ERBB4: variants seen among roughly 807,000 people sequenced by gnomAD.
ERBB4 encodes the protein erb-b2 receptor tyrosine kinase 4.
A neutral mutation model predicts 158.0 loss-of-function variants in ERBB4; 42 were observed. The ratio of observed to expected loss-of-function variants is 0.27; its 90% CI spans 0.21 to 0.34. The LOEUF is 0.34. ERBB4 is among the 10% of genes least tolerant of loss of function. The pLI, the probability that ERBB4 is intolerant of heterozygous loss-of-function variation, is 1.00. For missense variants in ERBB4, 1,333 were observed against 1,624.1 expected, an observed-to-expected ratio of 0.82 and a Z score of 3.08; for synonymous variants, 583 against 558.7, an observed-to-expected ratio of 1.04 and a Z score of -0.61.
chr2:211,684,016 G>T (rs561688377), intron 12 of ERBB4, among the ~76,000 whole-genome samples: 3 of 151,634 alleles, frequency 2.0e-5, no homozygotes, highest in Admixed American at 6.6e-5. Flanking sequence ...TCGTATTTTT[G>T]ACCACTGTAA....
intron 1 of ERBB4, among the ~76,000 whole-genome samples, chr2:212,331,003 C>CT (rs1296908245): frequency 7.8e-6 from 1 of 127,632 alleles, no homozygotes; most frequent in Non-Finnish European, 1.7e-5. Flanking sequence ...AAAGTATGTG[C>CT]TTTTTCCTGC....
intron 3 of ERBB4, among the ~76,000 whole-genome samples, chr2:211,881,768 G>A (rs1457080584): frequency 6.6e-6 from 1 of 152,098 alleles, no homozygotes; most frequent in Admixed American, 6.5e-5. Flanking sequence ...CTCTGTAGCA[G>A]AGAGCTATTC....
intron 25 of ERBB4, among the ~76,000 whole-genome samples, chr2:211,397,085 C>A (rs895161134): frequency 6.6e-6 from 1 of 152,112 alleles, no homozygotes; most frequent in Non-Finnish European, 1.5e-5. Flanking sequence ...GTATTTACAA[C>A]TGATCTAGGC....
Position 211,739,917 on chromosome 2 carries a change from G to C in ERBB4, c.622+10722C>G, listed in dbSNP as rs563631717. The stretch of plus-strand genomic sequence containing the variant: ...GGCATTTCTATCTTAGAATGCAGTA[G>C]TTCCCTATTCATTTAATTTTGTGGT... On this transcript the variant is annotated intron_variant, in intron 5 of 27. Coordinates refer to ENST00000342788, the MANE Select transcript of ERBB4 (RefSeq NM_005235.3). Among the ~76,000 whole-genome samples the C allele has an allele frequency of 2.6e-5, 4 of 152,314 alleles. No homozygotes were observed. The South Asian group carries it at 6.2e-4, about 24-fold the overall frequency.
At chr2:212,467,370 C>T (rs1688891535) in intron 1 of ERBB4, among the ~76,000 whole-genome samples, 1 of 152,154 alleles carries the variant, frequency 6.6e-6, no homozygotes. Context: ...AAAGTGGTTT[C>T]ATGGGCCAGG....
At chr2:211,860,158 T>C (rs1230655882) in intron 3 of ERBB4, among the ~76,000 whole-genome samples, 3 of 152,210 alleles carry the variant, frequency 2.0e-5, no homozygotes, top group East Asian at 3.8e-4. Context: ...GCAAACTTCT[T>C]AGAAGAGCTC....
At chr2:211,484,311 A>T (rs1280799105) in intron 20 of ERBB4, among the ~76,000 whole-genome samples, 1 of 152,206 alleles carries the variant, frequency 6.6e-6, no homozygotes, top group Non-Finnish European at 1.5e-5. Context: ...TACACCAATG[A>T]TCACATTAAA....
intron 2 of ERBB4, among the ~76,000 whole-genome samples, chr2:212,105,645 GA>G (rs2079203849): frequency 6.6e-6 from 1 of 152,158 alleles, no homozygotes; most frequent in Non-Finnish European, 1.5e-5. Context: ...AGTTGCATGT[GA>G]ATATGACAAT....
At chr2:211,647,703 C>G (rs2070826105) in intron 16 of ERBB4, among the ~76,000 whole-genome samples, 1 of 151,706 alleles carries the variant, frequency 6.6e-6, no homozygotes, top group African/African-American at 2.4e-5. Context: ...ACTCGAATTT[C>G]TGGCTCCCCA....
At chr2:211,414,595 A>G (rs2063342920) in intron 25 of ERBB4, among the ~76,000 whole-genome samples, 1 of 152,166 alleles carries the variant, frequency 6.6e-6, no homozygotes, top group Admixed American at 6.5e-5. Context: ...ATTTTAAAAC[A>G]TAACTAAGGT....
chr2:211,435,775 G>T (rs564684226), intron 20 of ERBB4, among the ~76,000 whole-genome samples: 1 of 152,304 alleles, frequency 6.6e-6, no homozygotes, highest in Admixed American at 6.5e-5. Flanking sequence ...CACAAAAACA[G>T]TCCCTGGTGC....
chr2:212,186,450 C>T (rs1477080558), intron 1 of ERBB4, among the ~76,000 whole-genome samples: 2 of 152,148 alleles, frequency 1.3e-5, no homozygotes, highest in Non-Finnish European at 2.9e-5. Flanking sequence ...TTATTTACTT[C>T]ACTGGTAAAT....
At chr2:211,733,708 G>A (rs933228807) in intron 5 of ERBB4, among the ~76,000 whole-genome samples, 18 of 151,110 alleles carry the variant, frequency 1.2e-4, no homozygotes, top group Non-Finnish European at 2.4e-4. Context: ...TCTTTCTTTT[G>A]CTTATTCTAG....
chr2:212,336,951 C>T (rs1339658005), intron 1 of ERBB4, among the ~76,000 whole-genome samples: 1 of 152,092 alleles, frequency 6.6e-6, no homozygotes, highest in East Asian at 1.9e-4. Context: ...TAGGTCAGTA[C>T]TGTTGGTCTA....
intron 16 of ERBB4, among the ~76,000 whole-genome samples, chr2:211,633,854 A>C (rs1016248442): frequency 2.0e-5 from 3 of 152,222 alleles, no homozygotes; most frequent in African/African-American, 7.2e-5. Flanking sequence ...AAGGTCAAAT[A>C]TCCAGAATAT....
intron 15 of ERBB4, among the ~76,000 whole-genome samples, chr2:211,660,272 G>C (rs1307412698): frequency 6.6e-6 from 1 of 152,210 alleles, no homozygotes; most frequent in African/African-American, 2.4e-5. Flanking sequence ...TCAGCTGGCA[G>C]CCAGGCCGAC....
intron 25 of ERBB4, among the ~76,000 whole-genome samples, 165 bp from the exon 26 acceptor site, chr2:211,388,157 C>T (rs2062726776): frequency 6.6e-6 from 1 of 152,088 alleles, no homozygotes; most frequent in South Asian, 2.1e-4. Context: ...TGCATTCTGA[C>T]CATAAGCAAG....
Position 212,393,551 on chromosome 2 carries a change from T to C in ERBB4, c.82+144898A>G, listed in dbSNP as rs2090941008. ...GCACCTTATTTACATTACTTCATTCTATTCACACAATAATCTTTGTGAGAA... is the reference window on the plus strand; with the variant it reads ...GCACCTTATTTACATTACTTCATTCCATTCACACAATAATCTTTGTGAGAA... On this transcript the variant is annotated intron_variant, in intron 1 of 27. Transcript: ENST00000342788. 2.0e-5 allele frequency among the ~76,000 whole-genome samples: 3 copies of C among 152,136 alleles called. No individual in the cohort carries two copies. The South Asian group carries it at 6.2e-4, about 32-fold the overall frequency.
chr2:212,372,145 C>A (rs999146704), intron 1 of ERBB4, among the ~76,000 whole-genome samples: 1 of 151,968 alleles, frequency 6.6e-6, no homozygotes, highest in African/African-American at 2.4e-5. Flanking sequence ...CTCGTAGCCC[C>A]CTTTTCCTTA....
Sources: allele counts gnomAD v4.1 joint callset (sites outside exome capture counted in the v4.1 genomes callset), GRCh38; gene constraint gnomAD v4.1.1; transcripts MANE v1.5; gene names NCBI Gene and HGNC (gene_info 2026-07-23, HGNC 2026-07-21).